Variants in KCNJ5 observed in about 807,000 individuals in gnomAD.
KCNJ5 encodes potassium inwardly rectifying channel subfamily J member 5.
In KCNJ5, 12 loss-of-function variants were observed where a neutral mutation model predicts 20.2. That is an observed-to-expected ratio of 0.59 (90% CI 0.38 to 0.96). KCNJ5 has a LOEUF of 0.96. KCNJ5 is among the 40% of genes least tolerant of loss of function. The pLI is 0.00. For missense variants in KCNJ5, 449 were observed against 557.6 expected (o/e 0.81, Z 1.96); for synonymous variants, 210 against 213.9 (o/e 0.98, Z 0.16).
At position 128,916,724 on chromosome 11, in the gene KCNJ5, C is replaced by G. The variant is rs111867535; in HGVS notation, c.1253C>G (p.Ser418Trp). Residue 418 changes from serine (S) to tryptophan (W), a missense_variant, in exon 3 of 3, where the codon TCG (serine) becomes TGG (tryptophan). Ser to Trp is a radical substitution (Grantham distance 177). Around this residue, in one of 5 missense-constraint regions of KCNJ5, gnomAD observed 64 missense variants for 51.3 expected, o/e 1.25. Coordinates refer to ENST00000529694, the MANE Select transcript of KCNJ5 (RefSeq NM_000890.5). ...GLGGSREARGSV is the reference protein window; with the variant it reads ...GLGGSREARGWV Reference sequence around the variant, plus strand: ...GGTGGGTCCAGGGAGGCCAGGGGCTCGGTGTGAGGGGTGCAGCCTCCCTAA... The same window carrying G: ...GGTGGGTCCAGGGAGGCCAGGGGCTGGGTGTGAGGGGTGCAGCCTCCCTAA... 11 of 1,600,630 alleles carry G rather than the reference C, an allele frequency of 6.9e-6. No individual in the cohort carries two copies. In the South Asian group the frequency reaches 1.2e-4, roughly 18 times the overall value.
chr11:128,895,250 C>A (rs900252116), intron 1 of KCNJ5, among the ~76,000 whole-genome samples: 2 of 152,138 alleles, frequency 1.3e-5, no homozygotes, highest in African/African-American at 4.8e-5. Flanking sequence ...TCAGGGAGGT[C>A]CAATGCCATC....
intron 1 of KCNJ5, among the ~76,000 whole-genome samples, chr11:128,909,664 G>T (rs147427327): frequency 2.0e-5 from 3 of 152,314 alleles, no homozygotes; most frequent in African/African-American, 2.4e-5. Flanking sequence ...TGCAGGAAAA[G>T]ACATGCAGCT....
chr11:128,903,516 G>A (rs751600271), intron 1 of KCNJ5: 1 of 1,614,008 alleles, frequency 6.2e-7, no homozygotes, highest in Non-Finnish European at 8.5e-7. Flanking sequence ...ACCTGCCTTA[G>A]ATGAAGGAGA....
chr11:128,897,126 C>T (rs113642750), intron 1 of KCNJ5, among the ~76,000 whole-genome samples: 20,207 of 119,726 alleles, frequency 0.17, 1,701 homozygotes, highest in Middle Eastern at 0.35. Context: ...GAGACAGAGT[C>T]TTACTCTGTC....
At chr11:128,912,329 C>A in intron 2 of KCNJ5, 119 bp downstream of exon 2, 1 of 796,870 alleles carries the variant, frequency 1.3e-6, no homozygotes, top group Non-Finnish European at 2.2e-6. Flanking sequence ...GCAGGCAACA[C>A]ATTCAATCCC....
intron 1 of KCNJ5, among the ~76,000 whole-genome samples, chr11:128,899,085 G>T (rs1157731187): frequency 6.6e-6 from 1 of 151,972 alleles, no homozygotes; most frequent in Non-Finnish European, 1.5e-5. Context: ...AATCATTTAA[G>T]CATTCCATTT....
chr11:128,902,502 C>A, intron 1 of KCNJ5: 2 of 1,554,036 alleles, frequency 1.3e-6, no homozygotes, highest in Non-Finnish European at 1.7e-6. Flanking sequence ...TCATAGCAGC[C>A]GTCTGCATGG....
Position 128,903,384 on chromosome 11 carries a change from G to A in KCNJ5, c.-10-7880G>A, listed in dbSNP as rs147863203. Reference sequence around the variant, plus strand: ...GCACTCACCTCACACAGCCACAGCCGTGGGTGTAGACGGCAGAGCTCAGCA... The same window carrying A: ...GCACTCACCTCACACAGCCACAGCCATGGGTGTAGACGGCAGAGCTCAGCA... On this transcript the variant is annotated intron_variant, in intron 1 of 2. Coordinates refer to ENST00000529694, the MANE Select transcript of KCNJ5 (RefSeq NM_000890.5). The A allele has an allele frequency of 3.7e-4, 602 of 1,614,196 alleles. 1 individual carries two copies. The highest frequency in any genetic ancestry group is 5.1e-4 in the South Asian group (46 of 91,078).
At chr11:128,898,860 AG>A (rs1221055047) in intron 1 of KCNJ5, among the ~76,000 whole-genome samples, 2 of 152,168 alleles carry the variant, frequency 1.3e-5, no homozygotes, top group South Asian at 2.1e-4. Flanking sequence ...TTGTATTTTT[AG>A]TAGAGATGGA....
At position 128,910,541 on chromosome 11, in the gene KCNJ5, G is replaced by A. The variant is rs115994214; in HGVS notation, c.-10-723G>A. Among the ~76,000 whole-genome samples, 751 of 152,366 alleles carry A rather than the reference G, an allele frequency of 4.9e-3. 7 individuals are homozygous for A. Among genetic ancestry groups the A allele is most frequent in the African/African-American group, 0.017 (726 of 41,580 alleles). On this transcript the variant is annotated intron_variant, in intron 1 of 2. Coordinates refer to ENST00000529694, the MANE Select transcript of KCNJ5 (RefSeq NM_000890.5). Reference sequence around the variant, plus strand: ...AAGATAAATAGAGACAGCAAGGAATGAAAGAAACAGCACAGGCTTGGGCCA... The same window carrying A: ...AAGATAAATAGAGACAGCAAGGAATAAAAGAAACAGCACAGGCTTGGGCCA...
intron 1 of KCNJ5, among the ~76,000 whole-genome samples, chr11:128,892,641 CAGAGAGG>C (rs1286686583): frequency 6.6e-6 from 1 of 152,148 alleles, no homozygotes; most frequent in Non-Finnish European, 1.5e-5. Flanking sequence ...AATTGAAGCC[CAGAGAGG>C]CTGTGCAATT....
chr11:128,913,000 C>T (rs1300193057), intron 2 of KCNJ5, among the ~76,000 whole-genome samples: 1 of 152,204 alleles, frequency 6.6e-6, no homozygotes, highest in African/African-American at 2.4e-5. Context: ...GAAGAGCTCC[C>T]TGGTCAGATA....
chr11:128,910,281 C>T (rs1944477068), intron 1 of KCNJ5, among the ~76,000 whole-genome samples: 1 of 152,158 alleles, frequency 6.6e-6, no homozygotes. Flanking sequence ...GTGTGGTAGG[C>T]ACCCCCACAA....
chr11:128,904,941 G>T (rs1488707077), intron 1 of KCNJ5, among the ~76,000 whole-genome samples: 1 of 152,248 alleles, frequency 6.6e-6, no homozygotes, highest in Admixed American at 6.5e-5. Flanking sequence ...GTTTTTAAAT[G>T]AAATACCTGA....
chr11:128,914,321 C>G (rs1307441084), intron 2 of KCNJ5, among the ~76,000 whole-genome samples: 1 of 152,226 alleles, frequency 6.6e-6, no homozygotes, highest in African/African-American at 2.4e-5. Flanking sequence ...GTGGAGGGAG[C>G]CAGTGCTATC....
chr11:128,904,324 C>G, intron 1 of KCNJ5: 119 of 1,445,378 alleles, frequency 8.2e-5, no homozygotes, highest in Middle Eastern at 3.6e-4. Context: ...GCACCCTGGC[C>G]TCTCTCTCAC....
At position 128,911,062 on chromosome 11, in the gene KCNJ5, G is replaced by A. The variant is rs1848893443; in HGVS notation, c.-10-202G>A. 1 of 595,852 alleles carries A rather than the reference G, an allele frequency of 1.7e-6. No homozygotes were observed. Among genetic ancestry groups the A allele is most frequent in the Non-Finnish European group, 3.0e-6 (1 of 335,270 alleles). The allele number at this position is 595,852 out of a possible 1,614,324, so 36.9% of individuals were successfully genotyped here. On this transcript the variant is annotated intron_variant, in intron 1 of 2. Coordinates refer to ENST00000529694, the MANE Select transcript of KCNJ5 (RefSeq NM_000890.5). This position sits in a 1 kb window ranked among gnomAD's most constrained non-coding sequence, Gnocchi z 6.3. The stretch of plus-strand genomic sequence containing the variant: ...CAAACAGCTAGCAAGCATCTATTTT[G>A]TGCTAGACTCTGTACTAGGCACCAG...
In KCNJ5 at chr11:128,920,323, G is replaced by A. The variant is rs535533677; in HGVS notation, c.*3592G>A. ...GCTGCTGCTTTGAGGTTGAGGTCCT[G>A]GCTTGAGCAGTTACCTTGCTGGAGA... On this transcript the variant is annotated 3_prime_UTR_variant, in exon 3 of 3. Coordinates refer to ENST00000529694, the MANE Select transcript of KCNJ5 (RefSeq NM_000890.5). The A allele has an allele frequency of 9.8e-5, 15 of 152,616 alleles. No homozygotes were observed. The South Asian group carries it at 3.1e-3, about 32-fold the overall frequency. 9.5% of individuals were successfully genotyped at this position (152,616 alleles called of 1,614,324 possible).
At chr11:128,893,771 T>C (rs912841945) in intron 1 of KCNJ5, among the ~76,000 whole-genome samples, 2 of 152,220 alleles carry the variant, frequency 1.3e-5, no homozygotes, top group African/African-American at 4.8e-5. Flanking sequence ...AGCTGTCTTC[T>C]CTGGGATGAA....
Sources: allele counts gnomAD v4.1 joint callset (sites outside exome capture counted in the v4.1 genomes callset), GRCh38; gene constraint gnomAD v4.1.1; regional missense constraint gnomAD v4.1.1; non-coding constraint Gnocchi (gnomAD v3.1); transcripts MANE v1.5; gene names NCBI Gene and HGNC (gene_info 2026-07-23, HGNC 2026-07-21).